Variants in FERMT3 observed in about 807,000 individuals in gnomAD.
FERMT3 encodes the protein FERM domain containing kindlin 3, also known as fermitin family homolog 3.
Under a neutral mutation model 80.8 loss-of-function variants are expected in FERMT3, and 33 were observed. That is an observed-to-expected ratio of 0.41 (90% CI 0.31 to 0.55). The LOEUF (loss-of-function observed/expected upper bound fraction) is 0.55, where lower values mean the gene tolerates loss of function less well. FERMT3 is among the 20% of genes least tolerant of loss of function. FERMT3 has a pLI of 0.31. For missense variants in FERMT3, 754 were observed against 908.7 expected, an observed-to-expected ratio of 0.83 and a Z score of 2.19; for synonymous variants, 375 against 372.2, an observed-to-expected ratio of 1.01 and a Z score of -0.09.
chr11:64,216,564 A>G (rs1476363145), intron 6 of FERMT3, among the ~76,000 whole-genome samples: 9 of 147,850 alleles, frequency 6.1e-5, no homozygotes, highest in African/African-American at 2.2e-4. Context: ...TGGGAGGCCA[A>G]GGAGGGCGGA....
intron 13 of FERMT3, among the ~76,000 whole-genome samples, chr11:64,221,453 TC>T (rs1477249265): frequency 2.0e-5 from 3 of 151,578 alleles, no homozygotes; most frequent in Non-Finnish European, 4.4e-5. Flanking sequence ...ACACAGAAAG[TC>T]CCTCGTCTCT....
chr11:64,220,191 C>T, intron 10 of FERMT3, 29 bp from the exon 11 acceptor site: 1 of 1,608,924 alleles, frequency 6.2e-7, no homozygotes, highest in Non-Finnish European at 8.5e-7. Flanking sequence ...CCCTCCCGAC[C>T]TCCTAGACCA....
chr11:64,220,531 C>T lies in FERMT3; in HGVS notation c.1407C>T (p.Ile469=). 1 of 1,607,686 alleles carries T rather than the reference C, an allele frequency of 6.2e-7. No individual in the cohort carries two copies. The part of the protein sequence containing the change: ...DSSYTSEVQA[I]LAFLSLQRTG... Reference sequence around the variant, plus strand: ...GCTACACCAGCGAGGTGCAGGCCATCCTGGCCTTCCTCAGCCTGCAGCGCA... The same window carrying T: ...GCTACACCAGCGAGGTGCAGGCCATTCTGGCCTTCCTCAGCCTGCAGCGCA... Residue 469 remains isoleucine, a synonymous_variant, in exon 12 of 15, where the codon ATC becomes ATT. Coordinates refer to ENST00000345728, the MANE Select transcript of FERMT3 (RefSeq NM_031471.6).
At chr11:64,213,688 G>A (rs1030577275) in intron 6 of FERMT3, among the ~76,000 whole-genome samples, 6 of 151,128 alleles carry the variant, frequency 4.0e-5, no homozygotes. Context: ...CTCCCGAGTA[G>A]CTGGGATTAC....
intron 2 of FERMT3, among the ~76,000 whole-genome samples, chr11:64,209,332 G>T (rs867817438): frequency 6.6e-6 from 1 of 152,232 alleles, no homozygotes; most frequent in Admixed American, 6.5e-5. Context: ...TCAGCTGGCA[G>T]CACATGGGTT....
At position 64,223,671 on chromosome 11, in the gene FERMT3, C is replaced by A; in HGVS notation, c.*179C>A. 1.2e-6 allele frequency: 1 copy of A among 850,504 alleles called. No homozygotes were observed. Among genetic ancestry groups the A allele is most frequent in the Non-Finnish European group, 1.8e-6 (1 of 544,678 alleles). 52.7% of individuals were successfully genotyped at this position (850,504 alleles called of 1,614,324 possible). On this transcript the variant is annotated 3_prime_UTR_variant, in exon 15 of 15. Coordinates refer to ENST00000345728, the MANE Select transcript of FERMT3 (RefSeq NM_031471.6). ...GGCAGGGCCAGACGCTGTACCATCA[C>A]CCAGGCCAGGGATGGGGGTGGGGGT...
Position 64,219,284 on chromosome 11 carries a change from C to A in FERMT3, c.820C>A (p.Gln274Lys). The change falls in exon 7 of 15, where the codon CAG becomes AAG. Residue 274 changes from glutamine to lysine, a missense_variant. Physicochemically the swap from Gln to Lys is moderately conservative, Grantham distance 53. Coordinates refer to ENST00000345728, the MANE Select transcript of FERMT3 (RefSeq NM_031471.6). This position sits in a 1 kb window ranked among gnomAD's most constrained non-coding sequence, Gnocchi z 4.0. ...CGTGCGGCTGACACAGCTGTATGAGCAGGCCCGGTGGGACCTGCTGCTGGA... is the reference window on the plus strand; with the variant it reads ...CGTGCGGCTGACACAGCTGTATGAGAAGGCCCGGTGGGACCTGCTGCTGGA... Reference protein sequence around the residue: ...DPVRLTQLYEQARWDLLLEEI... With the variant: ...DPVRLTQLYEKARWDLLLEEI... The A allele has an allele frequency of 6.2e-7, 1 of 1,606,990 alleles. No homozygotes were observed. The highest frequency in any genetic ancestry group is 8.5e-7 in the Non-Finnish European group (1 of 1,177,096).
In FERMT3 at chr11:64,219,103, C is replaced by T. The variant is rs572854732; in HGVS notation, c.787-148C>T. ...AGGCTATTAAGGATGGGGTTGAGGTCTGTGGCCCATGTCTGGCCACTGAAT... is the reference window on the plus strand; with the variant it reads ...AGGCTATTAAGGATGGGGTTGAGGTTTGTGGCCCATGTCTGGCCACTGAAT... On this transcript the variant is annotated intron_variant, in intron 6 of 14. Coordinates refer to ENST00000345728, the MANE Select transcript of FERMT3 (RefSeq NM_031471.6). This position sits in a 1 kb window ranked among gnomAD's most constrained non-coding sequence, Gnocchi z 4.0. 5 of 730,422 alleles carry T rather than the reference C, an allele frequency of 6.8e-6. No homozygotes were observed. The African/African-American group carries it at 8.6e-5, about 13-fold the overall frequency. The allele number at this position is 730,422 out of a possible 1,614,324, so 45.2% of individuals were successfully genotyped here.
In FERMT3 at chr11:64,211,380, C is replaced by G; in HGVS notation, c.620C>G (p.Pro207Arg). 1 of 1,608,962 alleles carries G rather than the reference C, an allele frequency of 6.2e-7. No individual in the cohort carries two copies. The highest frequency in any genetic ancestry group is 8.5e-7 in the Non-Finnish European group (1 of 1,178,454). ...MLSRPQPPPDPLLLQRLPRPS... is the reference protein window; with the variant it reads ...MLSRPQPPPDRLLLQRLPRPS... ...AGCCGGCCCCAGCCGCCACCCGACC[C>G]CCTCCTGCTCCAGCGTCTGCCACGG... Residue 207 changes from proline to arginine, a missense_variant, in exon 5 of 15, where the codon CCC (proline) becomes CGC (arginine). Transcript: ENST00000345728. This position sits in a 1 kb window ranked among gnomAD's most constrained non-coding sequence, Gnocchi z 4.7.
chr11:64,220,562 A>G lies in FERMT3; in HGVS notation c.1438A>G (p.Ser480Gly), dbSNP rs774874374. The change falls in exon 12 of 15, where the codon AGT becomes GGT. Residue 480 changes from serine (S) to glycine (G), a missense_variant. Coordinates refer to ENST00000345728, the MANE Select transcript of FERMT3 (RefSeq NM_031471.6). Reference protein sequence around the residue: ...LAFLSLQRTGSGGPGNHPHGP... With the variant: ...LAFLSLQRTGGGGPGNHPHGP... ...CTTCCTCAGCCTGCAGCGCACGGGC[A>G]GTGGGGGCCCGGGCAACCACCCCCA... is the stretch of plus-strand genomic sequence containing the variant. The G allele has an allele frequency of 6.2e-6, 10 of 1,608,164 alleles. No homozygotes were observed. Among genetic ancestry groups the G allele is most frequent in the Non-Finnish European group, 8.5e-6 (10 of 1,177,684 alleles).
intron 6 of FERMT3, among the ~76,000 whole-genome samples, chr11:64,217,992 C>T (rs1468374702): frequency 6.7e-6 from 1 of 148,680 alleles, no homozygotes; most frequent in Non-Finnish European, 1.5e-5. Flanking sequence ...CAAATTATTT[C>T]CTTTTTCCTT....
intron 2 of FERMT3, among the ~76,000 whole-genome samples, chr11:64,209,580 G>A (rs1946392168): frequency 6.6e-6 from 1 of 152,210 alleles, no homozygotes; most frequent in Admixed American, 6.5e-5. Context: ...AGGGGATGCG[G>A]CGGCACACAG....
Position 64,211,280 on chromosome 11 carries a change from G to T in FERMT3, c.520G>T (p.Ala174Ser). 1 of 1,613,324 alleles carries T rather than the reference G, an allele frequency of 6.2e-7. No individual in the cohort carries two copies. Among genetic ancestry groups the T allele is most frequent in the South Asian group, 1.1e-5 (1 of 91,058 alleles). ...ACTCCCAACCTGCACTCCAGGCGTG[G>T]CACCTGCACTGTTCCGGGGGATGCC... is the stretch of plus-strand genomic sequence containing the variant. ...LSKVVLAGGV[A>S]PALFRGMPAH... Residue 174 changes from alanine to serine, a missense_variant, in exon 5 of 15, where the codon GCA (alanine) becomes TCA (serine). Ala to Ser is a moderately conservative substitution (Grantham distance 99). Coordinates refer to ENST00000345728, the MANE Select transcript of FERMT3 (RefSeq NM_031471.6). This position sits in a 1 kb window ranked among gnomAD's most constrained non-coding sequence, Gnocchi z 4.7.
At chr11:64,213,055 TA>T (rs1449466404) in intron 6 of FERMT3, among the ~76,000 whole-genome samples, 1 of 150,856 alleles carries the variant, frequency 6.6e-6, no homozygotes, top group African/African-American at 2.4e-5. Flanking sequence ...TATACCTGGC[TA>T]ATTTTTTTTT....
intron 12 of FERMT3, 22 bp from the exon 13 acceptor site, chr11:64,220,994 C>G: frequency 6.2e-7 from 1 of 1,608,522 alleles, no homozygotes; most frequent in Non-Finnish European, 8.5e-7. Flanking sequence ...CCTGGCAGCC[C>G]GTCACCAGTA....
Position 64,219,568 on chromosome 11 carries a change from G to A in FERMT3, c.939G>A (p.Pro313=), listed in dbSNP as rs1239621595. 8.7e-6 allele frequency: 14 copies of A among 1,612,058 alleles called. No homozygotes were observed. The highest frequency in any genetic ancestry group is 1.3e-5 in the African/African-American group (1 of 74,916). ...CCCAGAGCGGGGAGGTGGGGGAGCC[G>A]GCTGGCACAGACCCAGGGCTGGACG... The part of the protein sequence containing the change: ...KLSQSGEVGE[P]AGTDPGLDDL... Residue 313 remains proline, a synonymous_variant, in exon 8 of 15, where the codon CCG becomes CCA. Coordinates refer to ENST00000345728, the MANE Select transcript of FERMT3 (RefSeq NM_031471.6). The surrounding 1 kb of genome is among the most constrained non-coding windows in gnomAD (Gnocchi z 4.0).
rs1462780803 is a variant in FERMT3, at chr11:64,223,881, G to A, written c.*389G>A. The stretch of plus-strand genomic sequence containing the variant: ...CTTTTTTATAAATTAATATTTTATT[G>A]TTGGATCCTCCTCCTTTCTCTGGAG... On this transcript the variant is annotated 3_prime_UTR_variant, in exon 15 of 15. Coordinates refer to ENST00000345728, the MANE Select transcript of FERMT3 (RefSeq NM_031471.6). 1 of 1,588,744 alleles carries A rather than the reference G, an allele frequency of 6.3e-7. No homozygotes were observed. The highest frequency in any genetic ancestry group is 8.6e-7 in the Non-Finnish European group (1 of 1,166,682).
chr11:64,223,521 A>G lies in FERMT3; in HGVS notation c.*29A>G. On this transcript the variant is annotated 3_prime_UTR_variant, in exon 15 of 15. Coordinates refer to ENST00000345728, the MANE Select transcript of FERMT3 (RefSeq NM_031471.6). The stretch of plus-strand genomic sequence containing the variant: ...CTGTCTGATTGCCCCTGCCCTGCTC[A>G]CCACCCTGTCACAGCCACTCCCAAG... 6.5e-7 allele frequency: 1 copy of G among 1,541,562 alleles called. No homozygotes were observed. The highest frequency in any genetic ancestry group is 8.6e-7 in the Non-Finnish European group (1 of 1,159,368).
chr11:64,223,594 C>T lies in FERMT3; in HGVS notation c.*102C>T. 2.2e-6 allele frequency: 3 copies of T among 1,371,818 alleles called. No individual in the cohort carries two copies. The allele number at this position is 1,371,818 out of a possible 1,614,324, so 85.0% of individuals were successfully genotyped here. A position where few individuals can be genotyped will look rare whatever the true frequency, so the allele number is the denominator to read the frequency against. ...GCCCCACACCCGCTCCAGGCAGGCA[C>T]CCAGCTGGGCATTTCACCTGCTGTC... On this transcript the variant is annotated 3_prime_UTR_variant, in exon 15 of 15. Coordinates refer to ENST00000345728, the MANE Select transcript of FERMT3 (RefSeq NM_031471.6).
Sources: allele counts gnomAD v4.1 joint callset (sites outside exome capture counted in the v4.1 genomes callset), GRCh38; gene constraint gnomAD v4.1.1; non-coding constraint Gnocchi (gnomAD v3.1); transcripts MANE v1.5; gene names NCBI Gene and HGNC (gene_info 2026-07-23, HGNC 2026-07-21).